Variants in MICU1 observed in about 807,000 individuals in gnomAD.
The protein encoded by MICU1 is mitochondrial calcium uptake 1, also known as calcium uptake protein 1, mitochondrial.
Under a neutral mutation model 56.8 loss-of-function variants are expected in MICU1, and 45 were observed. The observed-to-expected ratio is 0.79, with a 90% CI of 0.62 to 1.02. The LOEUF is 1.02. Ranked by LOEUF, MICU1 falls within the 50% of genes least tolerant of loss-of-function variation. The pLI is 0.00. For missense variants in MICU1, 504 were observed against 587.1 expected (o/e 0.86, Z 1.46); for synonymous variants, 186 against 195.1 (o/e 0.95, Z 0.39).
At chr10:72,421,312 G>A (rs1864165754) in intron 9 of MICU1, among the ~76,000 whole-genome samples, 1 of 151,554 alleles carries the variant, frequency 6.6e-6, no homozygotes, top group Non-Finnish European at 1.5e-5. Context: ...CTGGAGTGAA[G>A]TGGTGTGATC....
chr10:72,562,958 A>T lies in MICU1; in HGVS notation c.267T>A (p.Thr89=), dbSNP rs1422418670. The T allele has an allele frequency of 1.2e-6, 2 of 1,609,302 alleles. No homozygotes were observed. The highest frequency in any genetic ancestry group is 8.5e-7 in the Non-Finnish European group (1 of 1,177,956). The change falls in exon 3 of 12, where the codon ACT becomes ACA. Residue 89 remains threonine (T), a synonymous_variant. Transcript: ENST00000361114. ...EGDVCNHEKK[T]ADLAPHPEEK... ...CTTCTGGGTGAGGGGCAAGATCTGC[A>T]GTCTTTTTCTCATGGTTACAAACAT...
At chr10:72,620,173 G>C (rs771220647) in intron 1 of MICU1, among the ~76,000 whole-genome samples, 1 of 152,026 alleles carries the variant, frequency 6.6e-6, no homozygotes, top group African/African-American at 2.4e-5. Flanking sequence ...AAGGTTATTA[G>C]AATAGGCACT....
chr10:72,606,371 G>A lies in MICU1; in HGVS notation c.-2+19639C>T, dbSNP rs529474253. Among the ~76,000 whole-genome samples, 120 of 151,856 alleles carry A rather than the reference G, an allele frequency of 7.9e-4. 2 individuals are homozygous for A. The highest frequency in any genetic ancestry group is 2.6e-4 in the Non-Finnish European group (18 of 67,940). ...TACTGAAAATACAAAAAAATTAGCC[G>A]GGCATGGTGGTGGACGTCTGTAATT... is the stretch of plus-strand genomic sequence containing the variant. On this transcript the variant is annotated intron_variant, in intron 1 of 11. Coordinates refer to ENST00000361114, the MANE Select transcript of MICU1 (RefSeq NM_001195518.2).
At chr10:72,595,040 T>C (rs908718246) in intron 1 of MICU1, among the ~76,000 whole-genome samples, 6 of 150,952 alleles carry the variant, frequency 4.0e-5, no homozygotes, top group South Asian at 2.1e-4. Context: ...AACAAGAAGA[T>C]CCATATAAAT....
At chr10:72,541,094 G>A (rs533467518) in intron 4 of MICU1, among the ~76,000 whole-genome samples, 1 of 152,346 alleles carries the variant, frequency 6.6e-6, no homozygotes, top group Non-Finnish European at 1.5e-5. Flanking sequence ...GAGAAGTCTA[G>A]CATGGCTGAC....
At chr10:72,536,633 G>C (rs949971209) in intron 4 of MICU1, among the ~76,000 whole-genome samples, 1 of 152,084 alleles carries the variant, frequency 6.6e-6, no homozygotes, top group Admixed American at 6.6e-5. Flanking sequence ...TAAAAGGCGT[G>C]AGCCACCGTG....
intron 5 of MICU1, among the ~76,000 whole-genome samples, chr10:72,523,470 T>G (rs1425347666): frequency 6.6e-6 from 1 of 152,202 alleles, no homozygotes; most frequent in Non-Finnish European, 1.5e-5. Context: ...GATAATCCAT[T>G]GTACTAATAA....
At chr10:72,578,072 T>C (rs1840795702) in intron 1 of MICU1, among the ~76,000 whole-genome samples, 1 of 152,138 alleles carries the variant, frequency 6.6e-6, no homozygotes, top group Non-Finnish European at 1.5e-5. Flanking sequence ...GAGAAATCTT[T>C]TGTGAAAGAA....
intron 1 of MICU1, among the ~76,000 whole-genome samples, chr10:72,593,004 T>C (rs1365760929): frequency 6.6e-6 from 1 of 151,796 alleles, no homozygotes; most frequent in African/African-American, 2.4e-5. Context: ...CAGGCTGGTC[T>C]TGAACTCCTG....
chr10:72,438,857 T>C (rs907112626), intron 8 of MICU1, among the ~76,000 whole-genome samples: 9 of 152,150 alleles, frequency 5.9e-5, no homozygotes, highest in South Asian at 4.1e-4. Context: ...AAGGAAGAAG[T>C]TGAATCTCTG....
At chr10:72,600,773 GAGT>G (rs1159899738) in intron 1 of MICU1, among the ~76,000 whole-genome samples, 1 of 152,088 alleles carries the variant, frequency 6.6e-6, no homozygotes, top group African/African-American at 2.4e-5. Flanking sequence ...TTAAATTTGT[GAGT>G]AGAAGACATA....
intron 10 of MICU1, among the ~76,000 whole-genome samples, chr10:72,378,240 G>A (rs554664457): frequency 1.1e-4 from 16 of 152,098 alleles, no homozygotes; most frequent in African/African-American, 2.2e-4. Flanking sequence ...GTTACAGAGC[G>A]GGACTCTGTC....
chr10:72,605,714 G>A (rs1416974952), intron 1 of MICU1, among the ~76,000 whole-genome samples: 4 of 152,322 alleles, frequency 2.6e-5, no homozygotes, highest in East Asian at 3.9e-4. Context: ...ATGTGCATAG[G>A]TTATACGCAA....
At chr10:72,475,030 C>T in intron 8 of MICU1, 70 bp downstream of exon 8, 1 of 1,319,500 alleles carries the variant, frequency 7.6e-7, no homozygotes. Context: ...GGAAAGAATG[C>T]CTATAGTACA....
intron 4 of MICU1, among the ~76,000 whole-genome samples, chr10:72,543,435 G>A (rs1377765601): frequency 6.6e-6 from 1 of 152,116 alleles, no homozygotes; most frequent in Non-Finnish European, 1.5e-5. Context: ...GGCACTTTGG[G>A]AGGCCCAGAA....
chr10:72,527,766 T>C (rs1868007045), intron 5 of MICU1, among the ~76,000 whole-genome samples: 1 of 152,216 alleles, frequency 6.6e-6, no homozygotes, highest in Non-Finnish European at 1.5e-5. Context: ...AAAAAGCTTC[T>C]TATTATTGAC....
At chr10:72,607,591 C>T (rs563783881) in intron 1 of MICU1, among the ~76,000 whole-genome samples, 1 of 148,728 alleles carries the variant, frequency 6.7e-6, no homozygotes, top group East Asian at 2.0e-4. Flanking sequence ...GAGCCAAGAT[C>T]GCACCATTGC....
intron 6 of MICU1, among the ~76,000 whole-genome samples, chr10:72,493,241 C>T (rs1866728015): frequency 6.6e-6 from 1 of 152,010 alleles, no homozygotes; most frequent in Admixed American, 6.6e-5. Flanking sequence ...ACAATTTTTC[C>T]CCCACTTTCC....
rs1181123321 is a variant in MICU1, at chr10:72,477,510, C to T, written c.653-254G>A. The stretch of plus-strand genomic sequence containing the variant: ...TTGTCTACCTTTTTGTTTCAACATG[C>T]TTTGCCTTAAATGATTTAGCTTTGC... On this transcript the variant is annotated intron_variant, in intron 6 of 11. Transcript: ENST00000361114. 3.3e-6 allele frequency: 5 copies of T among 1,535,746 alleles called. No homozygotes were observed. In the Admixed American group the frequency reaches 9.8e-5, roughly 30 times the overall value.
Sources: gnomAD v4.1 joint callset for allele counts (sites outside exome capture counted in the v4.1 genomes callset) on GRCh38, gnomAD v4.1.1 for gene constraint, MANE v1.5 for transcripts, NCBI Gene and HGNC (gene_info 2026-07-23, HGNC 2026-07-21) for gene names.